Variants in NRXN3 observed in about 807,000 individuals in gnomAD.
The protein encoded by NRXN3 is neurexin 3.
A neutral mutation model predicts 137.6 loss-of-function variants in NRXN3; 32 were observed. That is an observed-to-expected ratio of 0.23 (90% CI 0.18 to 0.31). The LOEUF (loss-of-function observed/expected upper bound fraction) is 0.31, where lower values mean the gene tolerates loss of function less well. Among genes scored for constraint, NRXN3 ranks in the 10% least tolerant of loss-of-function variants. The pLI is 1.00. For missense variants in NRXN3, 1,574 were observed against 2,062.5 expected (o/e 0.76, Z 4.59); for synonymous variants, 798 against 784.5 (o/e 1.02, Z -0.29).
chr14:79,501,816 T>C (rs2096828908), intron 16 of NRXN3, among the ~76,000 whole-genome samples: 1 of 151,590 alleles, frequency 6.6e-6, no homozygotes, highest in Non-Finnish European at 1.5e-5. Context: ...GTTAAAATGC[T>C]GGGAAGGCTA....
intron 4 of NRXN3, among the ~76,000 whole-genome samples, chr14:78,507,350 G>A (rs912337835): frequency 6.6e-6 from 1 of 152,182 alleles, no homozygotes; most frequent in Non-Finnish European, 1.5e-5. Context: ...AGAAAGAGCT[G>A]CAGATTTGGG....
At chr14:79,405,707 T>G (rs1467710600) in intron 15 of NRXN3, among the ~76,000 whole-genome samples, 1 of 152,164 alleles carries the variant, frequency 6.6e-6, no homozygotes, top group Non-Finnish European at 1.5e-5. Context: ...CCAAACTTTC[T>G]TTTATGTCTT....
intron 17 of NRXN3, among the ~76,000 whole-genome samples, chr14:79,679,604 T>C (rs1314655010): frequency 1.3e-5 from 2 of 152,090 alleles, no homozygotes; most frequent in African/African-American, 4.8e-5. Context: ...TTTGGTTTCA[T>C]TGTGTGTTAA....
chr14:78,384,401 A>G (rs1257882476), intron 4 of NRXN3, among the ~76,000 whole-genome samples: 3 of 152,152 alleles, frequency 2.0e-5, no homozygotes. Flanking sequence ...AATGACAGTC[A>G]TCCACTAAGC....
chr14:79,004,868 C>T lies in NRXN3; in HGVS notation c.3262+16727C>T, dbSNP rs533136046. Among the ~76,000 whole-genome samples, 83 of 152,184 alleles carry T rather than the reference C, an allele frequency of 5.5e-4. 1 individual carries two copies. In the South Asian group the frequency reaches 0.016, roughly 30 times the overall value. Reference sequence around the variant, plus strand: ...AGGTCACGTATTTTTTATATGCTGTCGCCCCGTCCTCATCATTAGCATTTA... The same window carrying T: ...AGGTCACGTATTTTTTATATGCTGTTGCCCCGTCCTCATCATTAGCATTTA... On this transcript the variant is annotated intron_variant, in intron 15 of 20. Coordinates refer to ENST00000335750, the MANE Select transcript of NRXN3 (RefSeq NM_001330195.2).
intron 15 of NRXN3, among the ~76,000 whole-genome samples, chr14:79,122,397 A>G (rs1293778885): frequency 6.6e-6 from 1 of 152,148 alleles, no homozygotes; most frequent in African/African-American, 2.4e-5. Flanking sequence ...GCTATTAACA[A>G]TGTACACATA....
intron 4 of NRXN3, among the ~76,000 whole-genome samples, chr14:78,548,078 A>G (rs894232209): frequency 5.3e-5 from 8 of 152,230 alleles, no homozygotes; most frequent in African/African-American, 1.9e-4. Context: ...TGTTATCTAT[A>G]TTAAACATTG....
intron 15 of NRXN3, among the ~76,000 whole-genome samples, chr14:79,318,613 G>A (rs941836087): frequency 6.6e-6 from 1 of 152,200 alleles, no homozygotes; most frequent in Admixed American, 6.5e-5. Flanking sequence ...GACAGGAAGT[G>A]TTGGCGAGTA....
At chr14:79,635,743 A>T (rs775136995) in intron 16 of NRXN3, among the ~76,000 whole-genome samples, 12 of 152,148 alleles carry the variant, frequency 7.9e-5, no homozygotes, top group Non-Finnish European at 1.2e-4. Context: ...TGGAGACTGG[A>T]TAATTCATAA....
At chr14:78,583,408 GA>G (rs1251906801) in intron 4 of NRXN3, among the ~76,000 whole-genome samples, 1 of 149,772 alleles carries the variant, frequency 6.7e-6, no homozygotes, top group African/African-American at 2.5e-5. Flanking sequence ...TATTTATAAT[GA>G]AAAAAACCTC....
chr14:78,644,066 G>A (rs1240925101), intron 4 of NRXN3, among the ~76,000 whole-genome samples: 6 of 149,290 alleles, frequency 4.0e-5, no homozygotes, highest in South Asian at 4.3e-4. Flanking sequence ...GCTTGAACCC[G>A]GGAGGCGGAG....
intron 15 of NRXN3, among the ~76,000 whole-genome samples, chr14:79,012,181 C>T (rs1036512158): frequency 3.3e-5 from 5 of 152,082 alleles, no homozygotes; most frequent in African/African-American, 1.2e-4. Flanking sequence ...TGATGTGAAA[C>T]ATATATTAAA....
chr14:78,204,777 A>C (rs1314926359), intron 1 of NRXN3, among the ~76,000 whole-genome samples: 4 of 152,232 alleles, frequency 2.6e-5, no homozygotes, highest in Non-Finnish European at 5.9e-5. Context: ...GTAATCCTAC[A>C]CAAAACAAAT....
At chr14:78,541,901 G>T (rs183926826) in intron 4 of NRXN3, among the ~76,000 whole-genome samples, 39 of 152,352 alleles carry the variant, frequency 2.6e-4, no homozygotes, top group Non-Finnish European at 4.4e-4. Flanking sequence ...ATTGGAGTTT[G>T]CTGGAGGTCC....
chr14:79,307,365 T>A lies in NRXN3; in HGVS notation c.3263-159856T>A, dbSNP rs561593951. Among the ~76,000 whole-genome samples the A allele has an allele frequency of 5.3e-5, 8 of 152,246 alleles. No homozygotes were observed. The South Asian group carries it at 1.7e-3, about 32-fold the overall frequency. On this transcript the variant is annotated intron_variant, in intron 15 of 20. Transcript: ENST00000335750. ...TTTAGTTACTTTATTATATTTTAGG[T>A]TTACCCCTTGTTATTGGTCTTCAAA...
chr14:79,409,832 T>A, intron 15 of NRXN3, among the ~76,000 whole-genome samples: 1 of 151,778 alleles, frequency 6.6e-6, no homozygotes, highest in East Asian at 1.9e-4. Flanking sequence ...ATGGCCCACT[T>A]ACTGCATCCT....
chr14:79,396,329 A>G (rs1449354791), intron 15 of NRXN3, among the ~76,000 whole-genome samples: 1 of 152,020 alleles, frequency 6.6e-6, no homozygotes, highest in African/African-American at 2.4e-5. Flanking sequence ...ATATTTTACT[A>G]ATAAGAGATA....
At chr14:79,320,317 G>A (rs539664722) in intron 15 of NRXN3, among the ~76,000 whole-genome samples, 1 of 152,158 alleles carries the variant, frequency 6.6e-6, no homozygotes, top group African/African-American at 2.4e-5. Context: ...CTAAATAAGT[G>A]GTGGACATTT....
intron 16 of NRXN3, among the ~76,000 whole-genome samples, chr14:79,508,389 G>GTTTTTTTTTTTTTTTTTTTTTTTTT (rs1567328889): frequency 3.2e-4 from 4 of 12,554 alleles, no homozygotes; most frequent in Non-Finnish European, 4.6e-4. Flanking sequence ...AACAATAACT[G>GTTTTTTTTTTTTTTTTTTTTTTTTT]ATTTTTTTTT....
Sources: gnomAD v4.1 joint callset for allele counts (sites outside exome capture counted in the v4.1 genomes callset) on GRCh38, gnomAD v4.1.1 for gene constraint, MANE v1.5 for transcripts, NCBI Gene and HGNC (gene_info 2026-07-23, HGNC 2026-07-21) for gene names.